The following SHCBP1L variants were observed in gnomAD, a reference collection of about 807,000 sequenced individuals.
SHCBP1L encodes SHC binding and spindle associated 1 like.
Under a neutral mutation model 62.5 loss-of-function variants are expected in SHCBP1L, and 67 were observed. That is an observed-to-expected ratio of 1.07 (90% CI 0.88 to 1.31). The LOEUF (loss-of-function observed/expected upper bound fraction) is 1.31, where lower values mean the gene tolerates loss of function less well. Among genes scored for constraint, SHCBP1L ranks in the 40% most tolerant of loss-of-function variants. SHCBP1L has a pLI of 0.00. For synonymous variants in SHCBP1L, 284 were observed against 289.4 expected, an observed-to-expected ratio of 0.98 and a Z score of 0.19; for missense variants, 823 against 809.8, an observed-to-expected ratio of 1.02 and a Z score of -0.20.
In SHCBP1L at chr1:182,952,729, CT is replaced by C; in HGVS notation, c.404del (p.Lys135ArgfsTer17). The C allele has an allele frequency of 6.2e-7, 1 of 1,604,208 alleles. No homozygotes were observed. On this transcript the variant is annotated frameshift_variant and splice_region_variant, in exon 1 of 10. Transcript: ENST00000367547. LOFTEE classifies it high-confidence loss of function. ...GTCTTCCTGTCCCGGATCCGCTCAC[CT>C]TACAGTCCTGCAGCACTTCGTCGCA... ...LYCDEVLQDC[K>X]AEDADEVMGK...
rs1649987699 is a variant in SHCBP1L, at chr1:182,905,616, G to T, written c.1216C>A (p.Gln406Lys). 1 of 1,613,580 alleles carries T rather than the reference G, an allele frequency of 6.2e-7. No homozygotes were observed. Among genetic ancestry groups the T allele is most frequent in the Non-Finnish European group, 8.5e-7 (1 of 1,179,770 alleles). Residue 406 changes from glutamine to lysine, a missense_variant, in exon 7 of 10, where the codon CAG becomes AAG. By Grantham distance (53) the Gln-to-Lys change is moderately conservative. Coordinates refer to ENST00000367547, the MANE Select transcript of SHCBP1L (RefSeq NM_030933.4). ...KDLSSDTLLQ[Q>K]HGDLDLALDN... The stretch of plus-strand genomic sequence containing the variant: ...AAAGCCAAATCCAAATCACCATGCT[G>T]TTGGAGAAGTGTGTCTGAAGATAAA...
Position 182,951,373 on chromosome 1 carries a change from A to AGT in SHCBP1L, c.499_500insAC (p.Val167AspfsTer5). On this transcript the variant is annotated frameshift_variant, in exon 2 of 10. Transcript: ENST00000367547. LOFTEE classifies it high-confidence loss of function. Reference sequence around the variant, plus strand: ...AGCTTCTTCATATTTCACAAAGAATACACTGGGATTAGTCTTCCAGACTCC... The same window carrying AGT: ...AGCTTCTTCATATTTCACAAAGAATAGTCACTGGGATTAGTCTTCCAGACTCC... 4 of 1,609,094 alleles carry AGT rather than the reference A, an allele frequency of 2.5e-6. No homozygotes were observed. Among genetic ancestry groups the AGT allele is most frequent in the Non-Finnish European group, 2.5e-6 (3 of 1,177,358 alleles).
chr1:182,902,635 T>A (rs1024040057), intron 9 of SHCBP1L, among the ~76,000 whole-genome samples: 2 of 152,216 alleles, frequency 1.3e-5, no homozygotes, highest in African/African-American at 2.4e-5. Flanking sequence ...TTGCTATTAA[T>A]GTTTTAATTG....
At chr1:182,943,708 A>G (rs1043781691) in intron 2 of SHCBP1L, among the ~76,000 whole-genome samples, 1 of 150,640 alleles carries the variant, frequency 6.6e-6, no homozygotes, top group Non-Finnish European at 1.5e-5. Flanking sequence ...TCAGCCTCCC[A>G]AAGTACTGGG....
chr1:182,934,699 C>CT (rs1651111649), intron 5 of SHCBP1L, among the ~76,000 whole-genome samples: 1 of 152,138 alleles, frequency 6.6e-6, no homozygotes, highest in Non-Finnish European at 1.5e-5. Context: ...CAACTTATGA[C>CT]TTTTTTCTCT....
intron 6 of SHCBP1L, among the ~76,000 whole-genome samples, chr1:182,921,887 C>CA (rs200347069): frequency 0.018 from 2,690 of 151,334 alleles, 69 homozygotes; most frequent in African/African-American, 0.056. Flanking sequence ...GACTCAGTTC[C>CA]AAAAAAAAGA....
Position 182,945,546 on chromosome 1 carries a change from C to T in SHCBP1L, c.556-5003G>A, listed in dbSNP as rs1571359848. 2.6e-5 allele frequency among the ~76,000 whole-genome samples: 4 copies of T among 152,134 alleles called. No individual in the cohort carries two copies. The South Asian group carries it at 8.3e-4, about 32-fold the overall frequency. On this transcript the variant is annotated intron_variant, in intron 2 of 9. Transcript: ENST00000367547. Reference sequence around the variant, plus strand: ...CTCTACATTTTGAATCTGATGTCTTCGTATTTCTTGATTTACTCCCTTGAC... The same window carrying T: ...CTCTACATTTTGAATCTGATGTCTTTGTATTTCTTGATTTACTCCCTTGAC...
rs746088897 is a variant in SHCBP1L at position 182,952,986 on chromosome 1, C to T, written c.148G>A (p.Val50Met). The T allele has an allele frequency of 1.6e-5, 25 of 1,543,448 alleles. No individual in the cohort carries two copies. Among genetic ancestry groups the T allele is most frequent in the Non-Finnish European group, 2.2e-5 (25 of 1,147,846 alleles). Residue 50 changes from valine to methionine, a missense_variant, in exon 1 of 10, where the codon GTG becomes ATG. Transcript: ENST00000367547. ...LKGTAIPVRSVVASPRPVKGK... is the reference protein window; with the variant it reads ...LKGTAIPVRSMVASPRPVKGK... ...TTCACCGGGCGAGGGGAGGCCACCA[C>T]CGACCGCACTGGGATCGCGGTGCCC... is the stretch of plus-strand genomic sequence containing the variant.
chr1:182,927,488 G>A (rs953516447), intron 6 of SHCBP1L, among the ~76,000 whole-genome samples: 14 of 151,910 alleles, frequency 9.2e-5, no homozygotes, highest in Admixed American at 3.9e-4. Flanking sequence ...CTGGCTAACG[G>A]GGTGAAACCC....
In SHCBP1L at chr1:182,942,830, A is replaced by G. The variant is rs79717848; in HGVS notation, c.556-2287T>C. 9.3e-4 allele frequency among the ~76,000 whole-genome samples: 141 copies of G among 152,322 alleles called. 1 individual carries two copies. The East Asian group carries it at 0.021, about 23-fold the overall frequency. On this transcript the variant is annotated intron_variant, in intron 2 of 9. Coordinates refer to ENST00000367547, the MANE Select transcript of SHCBP1L (RefSeq NM_030933.4). ...ACAAAAAATATTTTAAATATCAGTA[A>G]GTGTTATATCATCAGCACATAAAAC...
At chr1:182,913,945 C>T (rs1650272842) in intron 6 of SHCBP1L, among the ~76,000 whole-genome samples, 1 of 152,144 alleles carries the variant, frequency 6.6e-6, no homozygotes, top group Non-Finnish European at 1.5e-5. Context: ...CATGCCATTG[C>T]ACTCCAGCCT....
rs748696593 is a variant in SHCBP1L, at chr1:182,904,160, CT to C, written c.1587+19del. On this transcript the variant is annotated intron_variant, in intron 8 of 9. Coordinates refer to ENST00000367547, the MANE Select transcript of SHCBP1L (RefSeq NM_030933.4). ...TCATCTATAGTCATATAAGGCCATA[CT>C]TTTTAAAGAATGAAATACCTGGGCG... 5.0e-6 allele frequency: 8 copies of C among 1,611,912 alleles called. No individual in the cohort carries two copies. Among genetic ancestry groups the C allele is most frequent in the Admixed American group, 3.3e-5 (2 of 59,742 alleles).
At chr1:182,921,115 C>T (rs546002544) in intron 6 of SHCBP1L, among the ~76,000 whole-genome samples, 2 of 152,256 alleles carry the variant, frequency 1.3e-5, no homozygotes, top group African/African-American at 4.8e-5. Context: ...ATATTAAAGG[C>T]AGCTAGAGAG....
chr1:182,949,180 G>C lies in SHCBP1L; in HGVS notation c.555+2138C>G, dbSNP rs114140020. 2.9e-3 allele frequency among the ~76,000 whole-genome samples: 434 copies of C among 151,900 alleles called. 2 individuals carry two copies. The highest frequency in any genetic ancestry group is 1.0e-2 in the African/African-American group (412 of 41,394). On this transcript the variant is annotated intron_variant, in intron 2 of 9. Transcript: ENST00000367547. ...GGGGCTATCATGAGGTATGGAGAGAGCTGCTAAGACACCATCATCCATTTC... is the reference window on the plus strand; with the variant it reads ...GGGGCTATCATGAGGTATGGAGAGACCTGCTAAGACACCATCATCCATTTC...
chr1:182,911,730 G>A (rs1650195925), intron 6 of SHCBP1L, among the ~76,000 whole-genome samples: 1 of 152,036 alleles, frequency 6.6e-6, no homozygotes, highest in South Asian at 2.1e-4. Context: ...TTCACTAGAG[G>A]GGTTCAACAG....
chr1:182,902,412 G>GCTA (rs889477018), intron 9 of SHCBP1L, among the ~76,000 whole-genome samples: 2 of 151,992 alleles, frequency 1.3e-5, no homozygotes, highest in African/African-American at 4.8e-5. Flanking sequence ...AGAGTGGGAG[G>GCTA]CTACTAGTAA....
At chr1:182,940,145 C>T (rs1018476657) in intron 3 of SHCBP1L, among the ~76,000 whole-genome samples, 184 bp downstream of exon 3, 3 of 151,860 alleles carry the variant, frequency 2.0e-5, no homozygotes, top group Non-Finnish European at 4.4e-5. Context: ...AATGTTTCTG[C>T]AAGGAAATGT....
At chr1:182,905,459 T>C (rs1649980650) in intron 7 of SHCBP1L, 37 bp downstream of exon 7, 2 of 1,603,030 alleles carry the variant, frequency 1.2e-6, no homozygotes, top group Admixed American at 1.7e-5. Flanking sequence ...CCAGTATACA[T>C]TGCTGTAAAA....
intron 6 of SHCBP1L, among the ~76,000 whole-genome samples, chr1:182,927,093 T>C (rs1557998040): frequency 9.3e-5 from 2 of 21,604 alleles, no homozygotes; most frequent in African/African-American, 3.3e-4. Context: ...TATATATATA[T>C]ATATATATAT....
Sources: allele counts gnomAD v4.1 joint callset (sites outside exome capture counted in the v4.1 genomes callset), GRCh38; gene constraint gnomAD v4.1.1; transcripts MANE v1.5; gene names NCBI Gene and HGNC (gene_info 2026-07-23, HGNC 2026-07-21).